Variants in FOXK2 observed in about 807,000 individuals in gnomAD.
FOXK2 encodes the protein forkhead box K2.
Under a neutral mutation model 53.3 loss-of-function variants are expected in FOXK2, and 24 were observed. The ratio of observed to expected loss-of-function variants is 0.45; its 90% CI spans 0.33 to 0.63. The LOEUF (loss-of-function observed/expected upper bound fraction) is 0.63. Ranked by LOEUF, FOXK2 falls within the 30% of genes least tolerant of loss-of-function variation. FOXK2 has a pLI of 0.03. For synonymous variants in FOXK2, 505 were observed against 407.1 expected, an observed-to-expected ratio of 1.24 and a Z score of -2.89; for missense variants, 952 against 910.5, an observed-to-expected ratio of 1.05 and a Z score of -0.59.
intron 5 of FOXK2, 121 bp downstream of exon 5, chr17:82,583,055 G>C (rs2045083148): frequency 1.3e-6 from 1 of 752,582 alleles, no homozygotes; most frequent in Admixed American, 3.6e-5. Flanking sequence ...TAAATGTTGG[G>C]ATGGGGATTT....
intron 3 of FOXK2, among the ~76,000 whole-genome samples, chr17:82,570,851 T>C (rs1026935340): frequency 6.6e-6 from 1 of 152,176 alleles, no homozygotes; most frequent in African/African-American, 2.4e-5. Flanking sequence ...GAGCCACCAG[T>C]GGCCTTGAAA....
intron 1 of FOXK2, among the ~76,000 whole-genome samples, chr17:82,521,329 C>G (rs760786121): frequency 1.3e-5 from 2 of 151,958 alleles, no homozygotes; most frequent in Non-Finnish European, 2.9e-5. Flanking sequence ...CCTGCCACCG[C>G]GCCCGGCTAA....
At chr17:82,583,283 G>T (rs1182763959) in intron 5 of FOXK2, among the ~76,000 whole-genome samples, 12 of 152,218 alleles carry the variant, frequency 7.9e-5, no homozygotes, top group Non-Finnish European at 1.6e-4. Context: ...TGTGGCTCAC[G>T]CCTGTAATCC....
chr17:82,581,481 T>G (rs2045058844), intron 4 of FOXK2, among the ~76,000 whole-genome samples: 1 of 148,674 alleles, frequency 6.7e-6, no homozygotes, highest in Non-Finnish European at 1.5e-5. Flanking sequence ...TGTGTGGGTT[T>G]TTTTTTTTTT....
intron 1 of FOXK2, among the ~76,000 whole-genome samples, chr17:82,520,678 G>C (rs949566217): frequency 2.0e-5 from 3 of 152,218 alleles, no homozygotes; most frequent in African/African-American, 7.2e-5. Context: ...ACGGTGTGCG[G>C]TGGGAGGAAC....
At chr17:82,577,640 A>C (rs924625472) in intron 4 of FOXK2, among the ~76,000 whole-genome samples, 13 of 152,002 alleles carry the variant, frequency 8.6e-5, no homozygotes, top group Non-Finnish European at 1.9e-4. Flanking sequence ...ATTTTACTTC[A>C]CCCAGAATTG....
intron 1 of FOXK2, among the ~76,000 whole-genome samples, chr17:82,549,474 C>T (rs2044655771): frequency 6.6e-6 from 1 of 152,126 alleles, no homozygotes; most frequent in South Asian, 2.1e-4. Flanking sequence ...AAATTATTCT[C>T]CTTATTACAG....
In FOXK2 at chr17:82,604,299, GCTC is replaced by G. The variant is rs1256736035; in HGVS notation, c.*2807_*2809del. 1 of 152,450 alleles carries G rather than the reference GCTC, an allele frequency of 6.6e-6. No individual in the cohort carries two copies. The highest frequency in any genetic ancestry group is 1.5e-5 in the Non-Finnish European group (1 of 68,050). The allele number at this position is 152,450 out of a possible 1,614,324, so 9.4% of individuals were successfully genotyped here. A position where few individuals can be genotyped will look rare whatever the true frequency, so the allele number is the denominator to read the frequency against. ...AGTGTGTGCGGCATGATCCTCGGTT[GCTC>G]CTCCTCTCACTTTAGTAGAGTACGC... is the stretch of plus-strand genomic sequence containing the variant. On this transcript the variant is annotated 3_prime_UTR_variant, in exon 9 of 9. Coordinates refer to ENST00000335255, the MANE Select transcript of FOXK2 (RefSeq NM_004514.4).
intron 2 of FOXK2, among the ~76,000 whole-genome samples, chr17:82,566,888 C>T (rs941897490): frequency 3.9e-5 from 6 of 152,242 alleles, no homozygotes; most frequent in Non-Finnish European, 8.8e-5. Context: ...ACTCGCCTTC[C>T]TCGGGCCACA....
chr17:82,567,691 C>G (rs958710704), intron 2 of FOXK2, among the ~76,000 whole-genome samples: 4 of 152,020 alleles, frequency 2.6e-5, no homozygotes, highest in Non-Finnish European at 5.9e-5. Context: ...GACCTCTGTG[C>G]CTATCTTGTG....
At chr17:82,565,326 T>C (rs576118252) in intron 2 of FOXK2, among the ~76,000 whole-genome samples, 4 of 152,216 alleles carry the variant, frequency 2.6e-5, no homozygotes, top group Non-Finnish European at 5.9e-5. Flanking sequence ...ATTGAACTTC[T>C]TGAAAATTTA....
chr17:82,560,522 C>T (rs971577046), intron 1 of FOXK2, among the ~76,000 whole-genome samples: 14 of 152,198 alleles, frequency 9.2e-5, no homozygotes, highest in Non-Finnish European at 1.9e-4. Flanking sequence ...CGCTGTGGTG[C>T]AGCTGGAAGC....
intron 4 of FOXK2, among the ~76,000 whole-genome samples, chr17:82,572,495 T>TC (rs1354762919): frequency 6.6e-6 from 1 of 152,080 alleles, no homozygotes; most frequent in Non-Finnish European, 1.5e-5. Flanking sequence ...AATAATTTTT[T>TC]TTTTTTTTTT....
At chr17:82,535,071 G>T (rs1169316084) in intron 1 of FOXK2, among the ~76,000 whole-genome samples, 2 of 152,090 alleles carry the variant, frequency 1.3e-5, no homozygotes, top group South Asian at 2.1e-4. Context: ...GTACAGATGG[G>T]GTTTCCACAT....
At chr17:82,592,214 G>A (rs1257084974) in intron 8 of FOXK2, among the ~76,000 whole-genome samples, 3 of 152,172 alleles carry the variant, frequency 2.0e-5, no homozygotes, top group African/African-American at 7.2e-5. Flanking sequence ...CAGTGTTGTC[G>A]TTTTGATTTG....
intron 1 of FOXK2, among the ~76,000 whole-genome samples, chr17:82,535,594 A>G (rs1292124125): frequency 2.6e-5 from 4 of 152,124 alleles, no homozygotes; most frequent in Admixed American, 6.6e-5. Flanking sequence ...CAGATGTGCT[A>G]TTGAACTGCT....
Position 82,587,026 on chromosome 17 carries a change from A to T in FOXK2, c.1577-37A>T, listed in dbSNP as rs1480811528. The T allele has an allele frequency of 1.9e-6, 3 of 1,588,248 alleles. No homozygotes were observed. The South Asian group carries it at 3.3e-5, about 18-fold the overall frequency. On this transcript the variant is annotated intron_variant, in intron 7 of 8. Transcript: ENST00000335255. The stretch of plus-strand genomic sequence containing the variant: ...CTGGCAAGATTTTTATTTGCTTTCC[A>T]GTAATATTAATGTCGTTTCTTTTCC...
Position 82,520,128 on chromosome 17 carries a change from C to G in FOXK2, c.240C>G (p.Leu80=). ...CGAGCTTCATCTCCCGGCGCCACCT[C>G]GAGATCTTCACGCCCCCGGGCGGCG... ...GHSSFISRRH[L]EIFTPPGGGG... The change falls in exon 1 of 9, where the codon CTC becomes CTG. Residue 80 remains leucine (L), a synonymous_variant. Coordinates refer to ENST00000335255, the MANE Select transcript of FOXK2 (RefSeq NM_004514.4). The G allele has an allele frequency of 6.5e-7, 1 of 1,534,506 alleles. No homozygotes were observed. Among genetic ancestry groups the G allele is most frequent in the Non-Finnish European group, 8.8e-7 (1 of 1,142,286 alleles).
intron 8 of FOXK2, among the ~76,000 whole-genome samples, chr17:82,596,829 C>T (rs1272050477): frequency 1.3e-5 from 2 of 152,168 alleles, no homozygotes; most frequent in Non-Finnish European, 2.9e-5. Context: ...TTCCACAGAC[C>T]ACCCCCTCCC....
Sources: allele counts gnomAD v4.1 joint callset (sites outside exome capture counted in the v4.1 genomes callset), GRCh38; gene constraint gnomAD v4.1.1; transcripts MANE v1.5; gene names NCBI Gene and HGNC (gene_info 2026-07-23, HGNC 2026-07-21).